ARHGAP20: variants seen among roughly 807,000 people sequenced by gnomAD.
The protein encoded by ARHGAP20 is rho GTPase-activating protein 20.
A neutral mutation model predicts 73.7 loss-of-function variants in ARHGAP20; 34 were observed. The observed-to-expected ratio is 0.46, with a 90% CI of 0.35 to 0.61. The LOEUF is 0.61. ARHGAP20 is among the 20% of genes least tolerant of loss of function. The pLI is 0.00. For synonymous variants in ARHGAP20, 523 were observed against 518.2 expected (o/e 1.01, Z -0.13); for missense variants, 1,314 against 1,420.9 (o/e 0.92, Z 1.21).
At chr11:110,690,142 T>C (rs1189410003) in intron 2 of ARHGAP20, among the ~76,000 whole-genome samples, 1 of 152,186 alleles carries the variant, frequency 6.6e-6, no homozygotes, top group African/African-American at 2.4e-5. Context: ...ATGGTTATCT[T>C]CCTTCACATC....
intron 9 of ARHGAP20, among the ~76,000 whole-genome samples, chr11:110,597,099 A>C (rs967457390): frequency 7.4e-6 from 1 of 135,504 alleles, no homozygotes; most frequent in Non-Finnish European, 1.5e-5. Flanking sequence ...ATGAGAACAC[A>C]TGGACACAGG....
Position 110,580,687 on chromosome 11 carries a change from T to C in ARHGAP20, c.2259A>G (p.Gly753=). Residue 753 remains glycine (G), a synonymous_variant, in exon 15 of 15, where the codon GGA becomes GGG. Transcript: ENST00000683387. ...CTAAACTCTGTTTAAAACATGTCTT[T>C]CCTTCCTCCTGGAGGGGTTGATTCT... is the stretch of plus-strand genomic sequence containing the variant. The part of the protein sequence containing the change: ...LKQNQPLQEE[G]KTCFKQSLVT... 1 of 1,613,930 alleles carries C rather than the reference T, an allele frequency of 6.2e-7. No individual in the cohort carries two copies. Among genetic ancestry groups the C allele is most frequent in the Non-Finnish European group, 8.5e-7 (1 of 1,179,844 alleles).
Position 110,578,736 on chromosome 11 carries a change from G to T in ARHGAP20, c.*634C>A, listed in dbSNP as rs1230727125. 1.1e-5 allele frequency: 11 copies of T among 985,246 alleles called. No individual in the cohort carries two copies. Among genetic ancestry groups the T allele is most frequent in the Non-Finnish European group, 1.3e-5 (11 of 829,928 alleles). 61.0% of individuals were successfully genotyped at this position (985,246 alleles called of 1,614,324 possible). A position where few individuals can be genotyped will look rare whatever the true frequency, so the allele number is the denominator to read the frequency against. ...TACAACCAACAAAACTGATATCATGGTACCCATGGCTTTTGAGTCACTCTG... is the reference window on the plus strand; with the variant it reads ...TACAACCAACAAAACTGATATCATGTTACCCATGGCTTTTGAGTCACTCTG... On this transcript the variant is annotated 3_prime_UTR_variant, in exon 15 of 15. Transcript: ENST00000683387.
intron 2 of ARHGAP20, among the ~76,000 whole-genome samples, chr11:110,664,856 TGA>T (rs1949691533): frequency 6.6e-6 from 1 of 152,022 alleles, no homozygotes; most frequent in Non-Finnish European, 1.5e-5. Context: ...AAAACACTGT[TGA>T]GAGTTATTAA....
intron 2 of ARHGAP20, among the ~76,000 whole-genome samples, chr11:110,657,900 A>G (rs1333581383): frequency 6.9e-6 from 1 of 145,432 alleles, no homozygotes; most frequent in Non-Finnish European, 1.5e-5. Context: ...GACAAAAAAA[A>G]AAAGAAAGAA....
At chr11:110,656,252 G>C (rs966991237) in intron 2 of ARHGAP20, among the ~76,000 whole-genome samples, 3 of 151,978 alleles carry the variant, frequency 2.0e-5, no homozygotes, top group Non-Finnish European at 4.4e-5. Flanking sequence ...GGGAGCACGT[G>C]GGATTCTTAG....
chr11:110,608,665 G>C (rs778138965), intron 8 of ARHGAP20, among the ~76,000 whole-genome samples: 13 of 152,072 alleles, frequency 8.5e-5, no homozygotes, highest in Non-Finnish European at 1.3e-4. Flanking sequence ...AATGTATGGA[G>C]AAAAATAAAT....
In ARHGAP20 at chr11:110,667,459, T is replaced by C. The variant is rs867184155; in HGVS notation, c.188+23088A>G. On this transcript the variant is annotated intron_variant, in intron 2 of 14. Transcript: ENST00000683387. ...TGTTAAGACATATTGCTCAGAAAAA[T>C]AGATTCCTTTCAAAACATTACTGCT... Among the ~76,000 whole-genome samples, 10 of 152,138 alleles carry C rather than the reference T, an allele frequency of 6.6e-5. No homozygotes were observed. In the South Asian group the frequency reaches 8.3e-4, roughly 13 times the overall value.
chr11:110,624,134 T>TA, intron 4 of ARHGAP20, 28 bp downstream of exon 4: 1 of 1,600,658 alleles, frequency 6.2e-7, no homozygotes, highest in Non-Finnish European at 8.5e-7. Context: ...CTAACCCAGG[T>TA]AAATAGAGGA....
At position 110,669,039 on chromosome 11, in the gene ARHGAP20, G is replaced by A. The variant is rs1201511355; in HGVS notation, c.188+21508C>T. Among the ~76,000 whole-genome samples the A allele has an allele frequency of 7.2e-5, 11 of 151,870 alleles. No individual in the cohort carries two copies. The East Asian group carries it at 1.9e-3, about 27-fold the overall frequency. ...AAACTTCTAAAAGAAAACATAGAAG[G>A]AAATTTTGACTTTGGATATAGAAAA... On this transcript the variant is annotated intron_variant, in intron 2 of 14. Coordinates refer to ENST00000683387, the MANE Select transcript of ARHGAP20 (RefSeq NM_001384657.1).
At chr11:110,652,956 A>G (rs1039268191) in intron 2 of ARHGAP20, among the ~76,000 whole-genome samples, 2 of 152,188 alleles carry the variant, frequency 1.3e-5, no homozygotes, top group African/African-American at 4.8e-5. Context: ...CCTGACAAAA[A>G]CAACAATGGG....
At chr11:110,620,890 G>A (rs909524501) in intron 4 of ARHGAP20, among the ~76,000 whole-genome samples, 3 of 151,132 alleles carry the variant, frequency 2.0e-5, no homozygotes, top group East Asian at 1.9e-4. Context: ...TGGCCAACAT[G>A]GGGAAACCCA....
chr11:110,583,685 C>A lies in ARHGAP20; in HGVS notation c.1468G>T (p.Gly490Trp). 1 of 1,607,308 alleles carries A rather than the reference C, an allele frequency of 6.2e-7. No homozygotes were observed. Among genetic ancestry groups the A allele is most frequent in the Non-Finnish European group, 8.5e-7 (1 of 1,175,778 alleles). Residue 490 changes from glycine (G) to tryptophan (W), a missense_variant, in exon 13 of 15, where the codon GGG becomes TGG. By Grantham distance (184) the Gly-to-Trp change is radical (BLOSUM62 -2). Around this residue, in one of 3 missense-constraint regions of ARHGAP20, gnomAD observed 230 missense variants for 317.6 expected, o/e 0.72. Coordinates refer to ENST00000683387, the MANE Select transcript of ARHGAP20 (RefSeq NM_001384657.1). ...TGTTGCTCAATGTTGTGTAACACCCCAAAAAGATACCTTAGGAGAACAACA... is the reference window on the plus strand; with the variant it reads ...TGTTGCTCAATGTTGTGTAACACCCAAAAAAGATACCTTAGGAGAACAACA... ...ANVVLLRYLF[G>W]VLHNIEQHSS...
At chr11:110,674,471 T>C (rs1949892278) in intron 2 of ARHGAP20, among the ~76,000 whole-genome samples, 1 of 152,174 alleles carries the variant, frequency 6.6e-6, no homozygotes, top group Non-Finnish European at 1.5e-5. Flanking sequence ...AATCCCATAC[T>C]TGATCTCATG....
At chr11:110,702,337 C>A (rs553448068) in intron 1 of ARHGAP20, among the ~76,000 whole-genome samples, 1 of 152,036 alleles carries the variant, frequency 6.6e-6, no homozygotes, top group Admixed American at 6.6e-5. Flanking sequence ...ATTCAACAAC[C>A]CTTCATGCTA....
chr11:110,686,392 A>C (rs1043226296), intron 2 of ARHGAP20, among the ~76,000 whole-genome samples: 1 of 152,166 alleles, frequency 6.6e-6, no homozygotes, highest in Non-Finnish European at 1.5e-5. Context: ...TCACTTCTGA[A>C]CAGGCAAGAA....
intron 2 of ARHGAP20, among the ~76,000 whole-genome samples, chr11:110,637,727 A>G (rs1948997073): frequency 6.6e-6 from 1 of 152,088 alleles, no homozygotes; most frequent in Non-Finnish European, 1.5e-5. Flanking sequence ...TGTAAGTACA[A>G]TAAAAGAAAT....
intron 1 of ARHGAP20, among the ~76,000 whole-genome samples, chr11:110,705,243 A>G (rs1591195504): frequency 6.6e-6 from 1 of 152,146 alleles, no homozygotes; most frequent in African/African-American, 2.4e-5. Flanking sequence ...TATTGATTGG[A>G]GAGGATTTCA....
At chr11:110,599,770 ACCC>A (rs1948064605) in intron 9 of ARHGAP20, among the ~76,000 whole-genome samples, 1 of 145,280 alleles carries the variant, frequency 6.9e-6, no homozygotes, top group African/African-American at 2.8e-5. Flanking sequence ...AGAGAGGACT[ACCC>A]ACTACAGGGC....
Sources: allele counts gnomAD v4.1 joint callset (sites outside exome capture counted in the v4.1 genomes callset), GRCh38; gene constraint gnomAD v4.1.1; regional missense constraint gnomAD v4.1.1; transcripts MANE v1.5; gene names NCBI Gene and HGNC (gene_info 2026-07-23, HGNC 2026-07-21).